Variants in SCHIP1 observed in about 807,000 individuals in gnomAD.
SCHIP1 encodes schwannomin-interacting protein 1.
Under a neutral mutation model 29.7 loss-of-function variants are expected in SCHIP1, and 8 were observed. That is an observed-to-expected ratio of 0.27 (90% CI 0.16 to 0.49). The LOEUF (loss-of-function observed/expected upper bound fraction) is 0.49. Ranked by LOEUF, SCHIP1 falls within the 20% of genes least tolerant of loss-of-function variation. SCHIP1 has a pLI of 0.99. For synonymous variants in SCHIP1, 76 were observed against 94.9 expected, an observed-to-expected ratio of 0.80 and a Z score of 1.16; for missense variants, 193 against 294.6, an observed-to-expected ratio of 0.66 and a Z score of 2.52.
the SCHIP1 span, among the ~76,000 whole-genome samples, chr3:159,818,881 C>T: frequency 6.6e-6 from 1 of 152,192 alleles, no homozygotes; most frequent in Non-Finnish European, 1.5e-5. Context: ...ACTGTGTGGT[C>T]CTTACCCTCT....
At chr3:159,672,296 GTTAGCTCT>G in the SCHIP1 span, among the ~76,000 whole-genome samples, 1 of 152,176 alleles carries the variant, frequency 6.6e-6, no homozygotes, top group Non-Finnish European at 1.5e-5. Context: ...CTCAATAAAT[GTTAGCTCT>G]TATTACTACA....
the SCHIP1 span, among the ~76,000 whole-genome samples, chr3:159,607,710 C>T: frequency 6.6e-6 from 1 of 152,008 alleles, no homozygotes; most frequent in African/African-American, 2.4e-5. Context: ...GAGGTGCAGC[C>T]GGAGCTTGAA....
At chr3:159,786,640 A>G in the SCHIP1 span, among the ~76,000 whole-genome samples, 1 of 151,458 alleles carries the variant, frequency 6.6e-6, no homozygotes, top group Admixed American at 6.6e-5. Context: ...TAGTCAGATA[A>G]GCAGTGAAGT....
the SCHIP1 span, among the ~76,000 whole-genome samples, chr3:159,505,302 C>A: frequency 6.6e-6 from 1 of 152,066 alleles, no homozygotes; most frequent in Admixed American, 6.6e-5. Context: ...TCAATGCAAT[C>A]CAATGGAAAT....
chr3:159,787,868 C>A, the SCHIP1 span, among the ~76,000 whole-genome samples: 1 of 152,184 alleles, frequency 6.6e-6, no homozygotes, highest in Non-Finnish European at 1.5e-5. Context: ...TTTGGACCAA[C>A]TTCCCTCATC....
the SCHIP1 span, among the ~76,000 whole-genome samples, chr3:159,779,506 C>CA: frequency 0.17 from 22,290 of 128,908 alleles, 1,778 homozygotes; most frequent in East Asian, 0.24. Context: ...CTGTCTCTAC[C>CA]AAAAAAAAAA....
the SCHIP1 span, among the ~76,000 whole-genome samples, chr3:159,338,676 A>G: frequency 1.9e-3 from 293 of 152,252 alleles, 2 homozygotes; most frequent in African/African-American, 6.9e-3. Context: ...AGCAAGAGAT[A>G]ATAGTGGCTT....
chr3:159,869,279 G>T (rs1714978923), intron 2 of SCHIP1, among the ~76,000 whole-genome samples: 2 of 151,802 alleles, frequency 1.3e-5, no homozygotes, highest in Non-Finnish European at 2.9e-5. Context: ...AACTTTTCTA[G>T]TCAATGGCTT....
the SCHIP1 span, among the ~76,000 whole-genome samples, chr3:159,570,497 G>A: frequency 2.0e-5 from 3 of 152,082 alleles, no homozygotes; most frequent in East Asian, 5.8e-4. Context: ...CTGTTCTATT[G>A]GTCTATATAT....
At chr3:159,395,957 G>A in the SCHIP1 span, among the ~76,000 whole-genome samples, 1 of 152,110 alleles carries the variant, frequency 6.6e-6, no homozygotes, top group African/African-American at 2.4e-5. Context: ...GGGAGTCCAA[G>A]TCTCTTTGTA....
At chr3:159,572,424 T>G in the SCHIP1 span, among the ~76,000 whole-genome samples, 1 of 151,940 alleles carries the variant, frequency 6.6e-6, no homozygotes, top group African/African-American at 2.4e-5. Flanking sequence ...CATGTAGTTG[T>G]GTAGTTTTGA....
chr3:159,572,867 G>GCCTT, the SCHIP1 span, among the ~76,000 whole-genome samples: 1 of 151,222 alleles, frequency 6.6e-6, no homozygotes, highest in South Asian at 2.1e-4. Context: ...TTATGTAATG[G>GCCTT]CTTTGTCTCT....
chr3:159,309,574 C>T, the SCHIP1 span, among the ~76,000 whole-genome samples: 3 of 147,760 alleles, frequency 2.0e-5, no homozygotes, highest in East Asian at 2.0e-4. Flanking sequence ...CCTTTGGATT[C>T]CTGCTCACAT....
the SCHIP1 span, among the ~76,000 whole-genome samples, chr3:159,482,766 A>T: frequency 6.6e-6 from 1 of 152,142 alleles, no homozygotes; most frequent in Non-Finnish European, 1.5e-5. Flanking sequence ...AACAGAAACC[A>T]CATGGTCCCT....
At chr3:159,614,948 AG>A in the SCHIP1 span, among the ~76,000 whole-genome samples, 11 of 152,364 alleles carry the variant, frequency 7.2e-5, no homozygotes, top group East Asian at 2.1e-3. Flanking sequence ...AGATTCGGAC[AG>A]GAAGACAAAC....
At chr3:159,439,296 T>C in the SCHIP1 span, among the ~76,000 whole-genome samples, 1 of 152,108 alleles carries the variant, frequency 6.6e-6, no homozygotes, top group Non-Finnish European at 1.5e-5. Flanking sequence ...CAGTTCAGCA[T>C]AGTTGGGGAG....
At chr3:159,517,447 T>C in the SCHIP1 span, among the ~76,000 whole-genome samples, 7 of 152,224 alleles carry the variant, frequency 4.6e-5, no homozygotes, top group Admixed American at 2.0e-4. Flanking sequence ...GATATTTGGA[T>C]CATGGATGAA....
the SCHIP1 span, among the ~76,000 whole-genome samples, chr3:159,465,315 TTGTGTGTGTGTG>T: frequency 6.7e-6 from 1 of 148,276 alleles, no homozygotes; most frequent in East Asian, 2.0e-4. Context: ...ATGTGTATGA[TTGTGTGTGTGTG>T]TGTGTGTGTG....
At chr3:159,761,220 G>C in the SCHIP1 span, among the ~76,000 whole-genome samples, 35 of 152,218 alleles carry the variant, frequency 2.3e-4, no homozygotes, top group African/African-American at 7.5e-4. Flanking sequence ...GAATGGGCAG[G>C]AATCAGTTGG....
Sources: allele counts gnomAD v4.1 joint callset (sites outside exome capture counted in the v4.1 genomes callset), GRCh38; gene constraint gnomAD v4.1.1; transcripts MANE v1.5; gene names NCBI Gene and HGNC (gene_info 2026-07-23, HGNC 2026-07-21).